Variants in TBC1D17 observed in about 807,000 individuals in gnomAD.
The protein encoded by TBC1D17 is TBC1 domain family, member 17.
A neutral mutation model predicts 78.8 loss-of-function variants in TBC1D17; 69 were observed. The observed-to-expected ratio is 0.88, with a 90% CI of 0.72 to 1.07. The LOEUF (loss-of-function observed/expected upper bound fraction) is 1.07. Ranked by LOEUF, TBC1D17 falls within the 50% of genes least tolerant of loss-of-function variation. The pLI is 0.00. For missense variants in TBC1D17, 957 were observed against 861.0 expected, an observed-to-expected ratio of 1.11 and a Z score of -1.39; for synonymous variants, 456 against 358.3, an observed-to-expected ratio of 1.27 and a Z score of -3.08.
rs761713894 is a variant in TBC1D17, at chr19:49,888,652, G to A, written c.*28G>A. Reference sequence around the variant, plus strand: ...CCGCCAGGCAGCCTCGTTCTGCACAGGCACTTTAGCCCGAGCCAGGCACAC... The same window carrying A: ...CCGCCAGGCAGCCTCGTTCTGCACAAGCACTTTAGCCCGAGCCAGGCACAC... On this transcript the variant is annotated 3_prime_UTR_variant, in exon 17 of 17. Coordinates refer to ENST00000221543, the MANE Select transcript of TBC1D17 (RefSeq NM_024682.3). 7.9e-5 allele frequency: 120 copies of A among 1,517,546 alleles called. No homozygotes were observed. The African/African-American group carries it at 1.4e-3, about 18-fold the overall frequency. The allele number at this position is 1,517,546 out of a possible 1,614,324, so 94.0% of individuals were successfully genotyped here. A position where few individuals can be genotyped will look rare whatever the true frequency, so the allele number is the denominator to read the frequency against.
At chr19:49,887,973 C>T in intron 15 of TBC1D17, 139 bp downstream of exon 15, 1 of 920,482 alleles carries the variant, frequency 1.1e-6, no homozygotes. Context: ...GGTGGGGCCG[C>T]GTAGGTTTCC....
intron 5 of TBC1D17, 52 bp downstream of exon 5, chr19:49,881,527 C>A: frequency 6.4e-7 from 1 of 1,553,932 alleles, no homozygotes; most frequent in Non-Finnish European, 8.8e-7. Context: ...CCCACCATGG[C>A]TGCAGCGTGA....
intron 3 of TBC1D17, chr19:49,879,590 T>G (rs2074992030): frequency 6.6e-6 from 1 of 152,068 alleles, no homozygotes; most frequent in African/African-American, 2.4e-5. Flanking sequence ...GTGTTTTTTT[T>G]GTTGTTGTTA....
At position 49,882,287 on chromosome 19, in the gene TBC1D17, C is replaced by G. The variant is rs1444014043; in HGVS notation, c.685C>G (p.Arg229Gly). Residue 229 changes from arginine to glycine, a missense_variant, in exon 7 of 17, where the codon CGA becomes GGA. Physicochemically the swap from Arg to Gly is moderately radical, Grantham distance 125. Coordinates refer to ENST00000221543, the MANE Select transcript of TBC1D17 (RefSeq NM_024682.3). ...CTCCACCACCTTCAGCAGCTTCTCC[C>G]GAGTGACCAACTTCTTCCGGGGTGC... ...PYSTTFSSFS[R>G]VTNFFRGALQ... 6.2e-7 allele frequency: 1 copy of G among 1,612,354 alleles called. No individual in the cohort carries two copies. Among genetic ancestry groups the G allele is most frequent in the East Asian group, 2.2e-5 (1 of 44,886 alleles).
Position 49,888,292 on chromosome 19 carries a change from T to G in TBC1D17, c.1721T>G (p.Leu574Arg), listed in dbSNP as rs766535823. ...GACGTGCTGACCCGCGCCGAGGCCCTGCACCGCCAGCTAACCGCCTGCCCC... is the reference window on the plus strand; with the variant it reads ...GACGTGCTGACCCGCGCCGAGGCCCGGCACCGCCAGCTAACCGCCTGCCCC... ...VEDVLTRAEA[L>R]HRQLTACPEL... Residue 574 changes from leucine to arginine, a missense_variant, in exon 16 of 17, where the codon CTG (leucine) becomes CGG (arginine). Leu to Arg is a moderately radical substitution (Grantham distance 102). Coordinates refer to ENST00000221543, the MANE Select transcript of TBC1D17 (RefSeq NM_024682.3). The G allele has an allele frequency of 6.3e-7, 1 of 1,588,770 alleles. No homozygotes were observed.
rs1429316613 is a variant in TBC1D17 at position 49,881,341 on chromosome 19, C to T, written c.393C>T (p.Arg131=). 1.9e-6 allele frequency: 3 copies of T among 1,613,262 alleles called. No homozygotes were observed. Among genetic ancestry groups the T allele is most frequent in the Non-Finnish European group, 2.5e-6 (3 of 1,180,014 alleles). The change falls in exon 5 of 17, where the codon CGC becomes CGT. Residue 131 remains arginine (R), a synonymous_variant. Transcript: ENST00000221543. Reference sequence around the variant, plus strand: ...TGGGGGAGCTAAAGTCCATCCGCCGCTCCAAGCCAGGCCTCAGCTGGGCCT... The same window carrying T: ...TGGGGGAGCTAAAGTCCATCCGCCGTTCCAAGCCAGGCCTCAGCTGGGCCT... ...VSLGELKSIR[R]SKPGLSWAYL... is the part of the protein sequence containing the mutation.
chr19:49,881,572 T>C (rs1046077295), intron 5 of TBC1D17, 97 bp downstream of exon 5: 72 of 1,210,040 alleles, frequency 6.0e-5, no homozygotes, highest in Admixed American at 5.5e-4. Context: ...CAACTCACAC[T>C]GATTTAAAGG....
At position 49,884,487 on chromosome 19, in the gene TBC1D17, C is replaced by G. The variant is rs769776857; in HGVS notation, c.1272C>G (p.Leu424=). 5.6e-6 allele frequency: 9 copies of G among 1,614,076 alleles called. No individual in the cohort carries two copies. In the African/African-American group the frequency reaches 1.2e-4, roughly 22 times the overall value. Residue 424 remains leucine (L), a synonymous_variant, in exon 12 of 17, where the codon CTC becomes CTG. Coordinates refer to ENST00000221543, the MANE Select transcript of TBC1D17 (RefSeq NM_024682.3). ...ACGTCCAGGGCATGAGTGATCTTCT[C>G]TCCCCGATCCTCTACGTCATTCAGA... ...LGYVQGMSDL[L]SPILYVIQNE...
In TBC1D17 at chr19:49,878,239, A is replaced by G. The variant is rs756086406; in HGVS notation, c.118A>G (p.Lys40Glu). The G allele has an allele frequency of 5.8e-6, 9 of 1,557,128 alleles. No individual in the cohort carries two copies. The highest frequency in any genetic ancestry group is 4.1e-5 in the African/African-American group (3 of 73,166). Residue 40 changes from lysine (K) to glutamate (E), a missense_variant and splice_region_variant, in exon 2 of 17, where the codon AAG becomes GAG. Transcript: ENST00000221543. ...CGCTGGTGTCATCCGTGTCGTGGAAAAGGTGCGCTGGGAGGGAGCAGGGCT... is the reference window on the plus strand; with the variant it reads ...CGCTGGTGTCATCCGTGTCGTGGAAGAGGTGCGCTGGGAGGGAGCAGGGCT... ...LIAGVIRVVE[K>E]DNDVLLHWAP... is the part of the protein sequence containing the mutation.
At position 49,888,271 on chromosome 19, in the gene TBC1D17, T is replaced by A. The variant is rs2075080874; in HGVS notation, c.1700T>A (p.Val567Glu). The change falls in exon 16 of 17, where the codon GTG becomes GAG. Residue 567 changes from valine to glutamate, a missense_variant. Physicochemically the swap from Val to Glu is moderately radical, Grantham distance 121. Transcript: ENST00000221543. ...ELTMKLSVED[V>E]LTRAEALHRQ... ...ACTATGAAGCTGAGCGTGGAGGACG[T>A]GCTGACCCGCGCCGAGGCCCTGCAC... 2 of 1,594,054 alleles carry A rather than the reference T, an allele frequency of 1.3e-6. No individual in the cohort carries two copies. Among genetic ancestry groups the A allele is most frequent in the Non-Finnish European group, 1.7e-6 (2 of 1,171,232 alleles).
At chr19:49,879,871 T>C (rs1433680425) in intron 3 of TBC1D17, among the ~76,000 whole-genome samples, 2 of 140,626 alleles carry the variant, frequency 1.4e-5, no homozygotes, top group South Asian at 2.2e-4. Flanking sequence ...TTTTTTTTAA[T>C]GAGACAGAAT....
intron 5 of TBC1D17, 70 bp from the exon 6 acceptor site, chr19:49,881,971 C>G (rs1278062283): frequency 2.9e-6 from 4 of 1,369,516 alleles, no homozygotes; most frequent in Non-Finnish European, 3.1e-6. Context: ...CGATGTCGGC[C>G]GAGCACAGAC....
In TBC1D17 at chr19:49,882,320, C is replaced by T. The variant is rs376341286; in HGVS notation, c.718C>T (p.Pro240Ser). 3.6e-5 allele frequency: 58 copies of T among 1,611,620 alleles called. No individual in the cohort carries two copies. The highest frequency in any genetic ancestry group is 4.4e-5 in the Non-Finnish European group (52 of 1,180,004). Residue 240 changes from proline to serine, a missense_variant, in exon 7 of 17, where the codon CCA becomes TCA. Physicochemically the swap from Pro to Ser is moderately conservative, Grantham distance 74. Transcript: ENST00000221543. ...VTNFFRGALQ[P>S]QPEGAASDLP... ...CAACTTCTTCCGGGGTGCCCTGCAG[C>T]CACAGCCTGAGGGAGCCGCCTCCGA...
In TBC1D17 at chr19:49,883,396, C is replaced by T. The variant is rs553132791; in HGVS notation, c.1032-255C>T. 1.1e-4 allele frequency among the ~76,000 whole-genome samples: 16 copies of T among 152,260 alleles called. No individual in the cohort carries two copies. In the South Asian group the frequency reaches 3.1e-3, roughly 30 times the overall value. ...GCACTGAGGATGCAGCAGTGCTGGA[C>T]GATTCCCTGTCCCTGGTGCCCTGTC... On this transcript the variant is annotated intron_variant, in intron 9 of 16. Transcript: ENST00000221543.
intron 14 of TBC1D17, 58 bp from the exon 15 acceptor site, chr19:49,887,660 G>A: frequency 4.4e-6 from 7 of 1,609,146 alleles, no homozygotes; most frequent in Non-Finnish European, 6.0e-6. Context: ...ACCCTGGTGG[G>A]ACCTCAGGCC....
At chr19:49,878,280 C>A (rs910841003) in intron 2 of TBC1D17, 39 bp downstream of exon 2, 21 of 1,535,968 alleles carry the variant, frequency 1.4e-5, no homozygotes, top group Non-Finnish European at 1.7e-5. Context: ...CCGCTCCGAG[C>A]GGGATGCAGG....
Position 49,888,582 on chromosome 19 carries a change from G to A in TBC1D17, c.1905G>A (p.Leu635=). 6.5e-7 allele frequency: 1 copy of A among 1,534,654 alleles called. No individual in the cohort carries two copies. The highest frequency in any genetic ancestry group is 2.5e-5 in the East Asian group (1 of 40,724). Residue 635 remains leucine, a synonymous_variant, in exon 17 of 17, where the codon CTG becomes CTA. Coordinates refer to ENST00000221543, the MANE Select transcript of TBC1D17 (RefSeq NM_024682.3). ...TDTAPQPDSS[L]EILPEEEDEG... is the part of the protein sequence containing the mutation. ...CAGCCCCGCAGCCCGACAGCAGCCTGGAGATCCTGCCCGAGGAGGAGGACG... is the reference window on the plus strand; with the variant it reads ...CAGCCCCGCAGCCCGACAGCAGCCTAGAGATCCTGCCCGAGGAGGAGGACG...
chr19:49,878,006 C>T, intron 1 of TBC1D17, 137 bp from the exon 2 acceptor site: 1 of 801,148 alleles, frequency 1.2e-6, no homozygotes, highest in Non-Finnish European at 1.9e-6. Context: ...GGACCATTCT[C>T]CCCGCCTTGG....
At position 49,883,091 on chromosome 19, in the gene TBC1D17, G is replaced by A; in HGVS notation, c.1031+15G>A. ...CGCAAGAAAACGTGAGTTCTCAGGA[G>A]GCCCTGCCCTGCCAGGCATGACACC... On this transcript the variant is annotated intron_variant, in intron 9 of 16. Coordinates refer to ENST00000221543, the MANE Select transcript of TBC1D17 (RefSeq NM_024682.3). 1 of 1,589,868 alleles carries A rather than the reference G, an allele frequency of 6.3e-7. No individual in the cohort carries two copies. Among genetic ancestry groups the A allele is most frequent in the African/African-American group, 1.3e-5 (1 of 74,140 alleles).
Sources: allele counts gnomAD v4.1 joint callset (sites outside exome capture counted in the v4.1 genomes callset), GRCh38; gene constraint gnomAD v4.1.1; transcripts MANE v1.5; gene names NCBI Gene and HGNC (gene_info 2026-07-23, HGNC 2026-07-21).